CFAP299: variants seen among roughly 807,000 people sequenced by gnomAD.
CFAP299 encodes cilia- and flagella-associated protein 299.
In CFAP299, 21 loss-of-function variants were observed where a neutral mutation model predicts 27.0. That is an observed-to-expected ratio of 0.78 (90% CI 0.55 to 1.12). CFAP299 has a LOEUF of 1.12. Ranked by LOEUF, CFAP299 falls within the 50% of genes most tolerant of loss-of-function variation. The probability of loss-of-function intolerance (pLI) is 0.00; values close to 1 mark genes in which losing one functional copy is unlikely to be tolerated. For synonymous variants in CFAP299, 104 were observed against 98.1 expected (o/e 1.06, Z -0.36); for missense variants, 310 against 276.6 (o/e 1.12, Z -0.86).
chr4:80,594,923 G>A (rs952799474), intron 3 of CFAP299, among the ~76,000 whole-genome samples: 5 of 152,120 alleles, frequency 3.3e-5, no homozygotes, highest in Admixed American at 6.5e-5. Flanking sequence ...GCATTAATCT[G>A]TGACTGGAGA....
chr4:80,374,803 CTG>C (rs1724323055), intron 2 of CFAP299, among the ~76,000 whole-genome samples: 2 of 151,972 alleles, frequency 1.3e-5, no homozygotes, highest in African/African-American at 4.8e-5. Flanking sequence ...CTTTGAATAC[CTG>C]AAATATCCTA....
intron 3 of CFAP299, among the ~76,000 whole-genome samples, chr4:80,788,577 G>A (rs1578124961): frequency 6.6e-6 from 1 of 151,782 alleles, no homozygotes; most frequent in East Asian, 1.9e-4. Context: ...CTCTCTATGG[G>A]GTGTGTGTGC....
rs116208176 is a variant in CFAP299, at chr4:80,450,257, A to G, written c.242+87373A>G. ...GATACCAAAGAAGGAAAGAGAATTG[A>G]AAAGTTCTCCCTTTCAAAAAGTACT... On this transcript the variant is annotated intron_variant, in intron 2 of 5. Coordinates refer to ENST00000358105, the MANE Select transcript of CFAP299 (RefSeq NM_152770.3). Among the ~76,000 whole-genome samples, 573 of 152,314 alleles carry G rather than the reference A, an allele frequency of 3.8e-3. 3 individuals are homozygous for G. Among genetic ancestry groups the G allele is most frequent in the African/African-American group, 0.013 (541 of 41,572 alleles).
chr4:80,471,548 C>T (rs1179547552), intron 2 of CFAP299, among the ~76,000 whole-genome samples: 6 of 122,626 alleles, frequency 4.9e-5, no homozygotes, highest in Non-Finnish European at 6.6e-5. Flanking sequence ...CTACTTTGCT[C>T]AGCAGGGAGA....
intron 4 of CFAP299, among the ~76,000 whole-genome samples, chr4:80,880,964 C>T (rs1179506689): frequency 2.0e-5 from 3 of 152,074 alleles, no homozygotes; most frequent in Non-Finnish European, 2.9e-5. Flanking sequence ...TTTTTGGCCT[C>T]GTACTGAGCA....
intron 3 of CFAP299, among the ~76,000 whole-genome samples, chr4:80,686,652 C>G (rs1207520407): frequency 1.3e-5 from 2 of 152,146 alleles, no homozygotes; most frequent in Admixed American, 6.5e-5. Flanking sequence ...TCCAAGGAGC[C>G]AGAAGATTTT....
At chr4:80,856,829 A>T (rs1414636365) in intron 3 of CFAP299, among the ~76,000 whole-genome samples, 2 of 152,032 alleles carry the variant, frequency 1.3e-5, no homozygotes, top group Non-Finnish European at 2.9e-5. Flanking sequence ...GTTTGAAGTC[A>T]GGTAGCGTGA....
chr4:80,512,310 A>G (rs987082258), intron 2 of CFAP299, among the ~76,000 whole-genome samples: 7 of 152,008 alleles, frequency 4.6e-5, no homozygotes, highest in African/African-American at 1.2e-4. Context: ...TTGATTACCT[A>G]GATTCCCACT....
intron 4 of CFAP299, among the ~76,000 whole-genome samples, chr4:80,934,063 T>C (rs1736765024): frequency 6.6e-6 from 1 of 152,176 alleles, no homozygotes. Context: ...TAGCTGTAGA[T>C]TTGCTATATA....
At chr4:80,472,460 G>A (rs186964840) in intron 2 of CFAP299, among the ~76,000 whole-genome samples, 5 of 152,284 alleles carry the variant, frequency 3.3e-5, no homozygotes, top group Admixed American at 1.3e-4. Flanking sequence ...GGATGAAAGA[G>A]GGGAATGCAT....
intron 3 of CFAP299, among the ~76,000 whole-genome samples, chr4:80,818,393 T>C (rs1316804763): frequency 1.3e-5 from 2 of 152,162 alleles, no homozygotes; most frequent in African/African-American, 4.8e-5. Flanking sequence ...TAAACTGTCC[T>C]TTCGCCCTTT....
chr4:80,829,476 C>T (rs553467557), intron 3 of CFAP299, among the ~76,000 whole-genome samples: 1 of 151,944 alleles, frequency 6.6e-6, no homozygotes, highest in Non-Finnish European at 1.5e-5. Context: ...ATTGTTAGTG[C>T]AAATGTTAAC....
chr4:80,732,922 C>T (rs950555306), intron 3 of CFAP299, among the ~76,000 whole-genome samples: 1 of 151,986 alleles, frequency 6.6e-6, no homozygotes, highest in African/African-American at 2.4e-5. Flanking sequence ...TGATATAAGC[C>T]TTATTAATGT....
chr4:80,442,832 C>A (rs893002625), intron 2 of CFAP299, among the ~76,000 whole-genome samples: 2 of 151,912 alleles, frequency 1.3e-5, no homozygotes, highest in Admixed American at 6.6e-5. Flanking sequence ...ATCAAATAGA[C>A]ACAATAAAAA....
intron 3 of CFAP299, among the ~76,000 whole-genome samples, chr4:80,788,053 T>C (rs756312518): frequency 2.0e-5 from 3 of 152,026 alleles, no homozygotes; most frequent in Non-Finnish European, 2.9e-5. Context: ...TCAGTAGGTC[T>C]GCAATGGGAC....
intron 3 of CFAP299, among the ~76,000 whole-genome samples, chr4:80,813,424 A>AT (rs908097035): frequency 2.6e-5 from 4 of 152,032 alleles, no homozygotes; most frequent in African/African-American, 9.7e-5. Flanking sequence ...TATTCAAAAC[A>AT]TTTTTTGTAA....
At chr4:80,625,306 T>TAA (rs1487401283) in intron 3 of CFAP299, among the ~76,000 whole-genome samples, 1 of 152,006 alleles carries the variant, frequency 6.6e-6, no homozygotes, top group East Asian at 1.9e-4. Context: ...TTATCAAAGT[T>TAA]AAGTTGTTTT....
chr4:80,545,451 C>A (rs1306729093), intron 2 of CFAP299, among the ~76,000 whole-genome samples: 2 of 151,572 alleles, frequency 1.3e-5, no homozygotes, highest in Non-Finnish European at 2.9e-5. Context: ...GAAAAAAAAA[C>A]CCTCAGACTA....
At chr4:80,903,180 G>A (rs1196943783) in intron 4 of CFAP299, among the ~76,000 whole-genome samples, 2 of 151,980 alleles carry the variant, frequency 1.3e-5, no homozygotes, top group African/African-American at 4.8e-5. Flanking sequence ...GACTGTTGCT[G>A]CACTGGGCCA....
Sources: allele counts gnomAD v4.1 joint callset (sites outside exome capture counted in the v4.1 genomes callset), GRCh38; gene constraint gnomAD v4.1.1; transcripts MANE v1.5; gene names NCBI Gene and HGNC (gene_info 2026-07-23, HGNC 2026-07-21).